The following DSCAM variants were observed in gnomAD, a reference collection of about 807,000 sequenced individuals.
The protein encoded by DSCAM is cell adhesion molecule DSCAM.
DSCAM carries 47 observed loss-of-function variants against 217.7 expected under a neutral mutation model. That is an observed-to-expected ratio of 0.22 (90% CI 0.17 to 0.28). The LOEUF (loss-of-function observed/expected upper bound fraction) is 0.28, where lower values mean the gene tolerates loss of function less well. DSCAM is among the 10% of genes least tolerant of loss of function. The probability of loss-of-function intolerance (pLI) is 1.00; values close to 1 mark genes in which losing one functional copy is unlikely to be tolerated. For missense variants in DSCAM, 2,080 were observed against 2,618.3 expected (o/e 0.79, Z 4.49); for synonymous variants, 1,056 against 1,015.3 (o/e 1.04, Z -0.76).
At chr21:40,014,666 C>T (rs2088126011) in intron 32 of DSCAM, among the ~76,000 whole-genome samples, 1 of 152,200 alleles carries the variant, frequency 6.6e-6, no homozygotes, top group African/African-American at 2.4e-5. Flanking sequence ...CTTCTCCTCT[C>T]ACAGGTGTCG....
At chr21:40,687,300 T>C (rs1003724078) in intron 3 of DSCAM, among the ~76,000 whole-genome samples, 1 of 152,028 alleles carries the variant, frequency 6.6e-6, no homozygotes, top group East Asian at 1.9e-4. Context: ...TGACTCTAGG[T>C]TTTTTTTAAA....
intron 9 of DSCAM, among the ~76,000 whole-genome samples, chr21:40,300,920 T>C (rs1750277177): frequency 6.6e-6 from 1 of 152,238 alleles, no homozygotes; most frequent in African/African-American, 2.4e-5. Context: ...TTCTACGTGA[T>C]TCCTTAGAAG....
intron 3 of DSCAM, among the ~76,000 whole-genome samples, chr21:40,617,224 C>T (rs369861485): frequency 1.2e-3 from 180 of 147,220 alleles, no homozygotes; most frequent in Middle Eastern, 7.6e-3. Context: ...CCCAGGTTCA[C>T]GCCATTCTCC....
At chr21:40,575,916 A>C (rs1333763569) in intron 3 of DSCAM, among the ~76,000 whole-genome samples, 4 of 152,230 alleles carry the variant, frequency 2.6e-5, no homozygotes, top group Non-Finnish European at 5.9e-5. Flanking sequence ...TTAGATAAAG[A>C]CAAATTTAAA....
intron 16 of DSCAM, among the ~76,000 whole-genome samples, chr21:40,146,275 T>G (rs9979203): frequency 0.52 from 68,251 of 130,970 alleles, 18,441 homozygotes; most frequent in South Asian, 0.65. Flanking sequence ...GGGGGGGAGG[T>G]GGCGGGGCAC....
chr21:40,778,323 AAAC>A (rs2123415823), intron 1 of DSCAM, among the ~76,000 whole-genome samples: 1 of 152,188 alleles, frequency 6.6e-6, no homozygotes, highest in African/African-American at 2.4e-5. Context: ...GAAGTAGAGA[AAAC>A]AACAGGAGCA....
intron 11 of DSCAM, among the ~76,000 whole-genome samples, chr21:40,237,794 T>C (rs2146936096): frequency 6.6e-6 from 1 of 152,316 alleles, no homozygotes; most frequent in African/African-American, 2.4e-5. Flanking sequence ...AGCCACACTG[T>C]CTTCCAAGTC....
chr21:40,055,707 G>A lies in DSCAM; in HGVS notation c.5035+18C>T, dbSNP rs765543937. The A allele has an allele frequency of 6.3e-7, 1 of 1,592,154 alleles. No individual in the cohort carries two copies. Among genetic ancestry groups the A allele is most frequent in the Non-Finnish European group, 8.6e-7 (1 of 1,160,966 alleles). On this transcript the variant is annotated intron_variant, in intron 29 of 32. Coordinates refer to ENST00000400454, the MANE Select transcript of DSCAM (RefSeq NM_001389.5). ...TGTGGCAGCCACTTTGTGTAAAGTG[G>A]CAAATAGGGCAGCTTACCAATGGTC...
chr21:40,235,475 A>G (rs978385795), intron 11 of DSCAM, among the ~76,000 whole-genome samples: 2 of 152,196 alleles, frequency 1.3e-5, no homozygotes, highest in Admixed American at 6.5e-5. Flanking sequence ...CGGTCTGTGT[A>G]GGGCTCTTTC....
At chr21:40,619,644 G>A (rs1439206111) in intron 3 of DSCAM, among the ~76,000 whole-genome samples, 1 of 152,108 alleles carries the variant, frequency 6.6e-6, no homozygotes, top group Non-Finnish European at 1.5e-5. Context: ...ATGTATTAAG[G>A]TACTACAAAA....
chr21:40,572,514 CACTT>C (rs1276252601), intron 3 of DSCAM, among the ~76,000 whole-genome samples: 1 of 151,988 alleles, frequency 6.6e-6, no homozygotes, highest in Non-Finnish European at 1.5e-5. Context: ...TTACAAGAAA[CACTT>C]AGAGCATAAA....
chr21:40,767,181 A>AT (rs1419995894), intron 1 of DSCAM, among the ~76,000 whole-genome samples: 2 of 152,146 alleles, frequency 1.3e-5, no homozygotes, highest in African/African-American at 4.8e-5. Flanking sequence ...AAGGGGTAAG[A>AT]TTTTAAATAG....
At chr21:40,145,821 G>A (rs1229814775) in intron 16 of DSCAM, among the ~76,000 whole-genome samples, 1 of 150,924 alleles carries the variant, frequency 6.6e-6, no homozygotes. Context: ...CTCCAGCCTG[G>A]GTGACAGAAC....
chr21:40,820,720 A>T (rs552505053), intron 1 of DSCAM, among the ~76,000 whole-genome samples: 2 of 152,292 alleles, frequency 1.3e-5, no homozygotes, highest in Non-Finnish European at 2.9e-5. Context: ...CAAAGAAAAA[A>T]ACAAAAAATC....
intron 3 of DSCAM, among the ~76,000 whole-genome samples, chr21:40,442,611 C>G (rs1177054997): frequency 1.3e-5 from 2 of 150,020 alleles, no homozygotes; most frequent in Non-Finnish European, 3.0e-5. Context: ...CCTCTGCCTC[C>G]CAGGTTCAAG....
At chr21:40,633,998 G>A (rs913752027) in intron 3 of DSCAM, among the ~76,000 whole-genome samples, 6 of 152,124 alleles carry the variant, frequency 3.9e-5, no homozygotes, top group East Asian at 3.9e-4. Flanking sequence ...TCTTATTCTC[G>A]ACCCAGGAAC....
chr21:40,603,876 T>C (rs999389497), intron 3 of DSCAM, among the ~76,000 whole-genome samples: 4 of 151,752 alleles, frequency 2.6e-5, no homozygotes, highest in Non-Finnish European at 5.9e-5. Flanking sequence ...TTTCTTTAGA[T>C]TTCTGCAGTT....
At chr21:40,109,351 C>A (rs1021400803) in intron 20 of DSCAM, among the ~76,000 whole-genome samples, 1 of 152,186 alleles carries the variant, frequency 6.6e-6, no homozygotes, top group African/African-American at 2.4e-5. Flanking sequence ...TGAATAGACA[C>A]TTTTCAAAAG....
chr21:40,734,311 G>A (rs538531373), intron 1 of DSCAM, among the ~76,000 whole-genome samples: 1 of 152,304 alleles, frequency 6.6e-6, no homozygotes, highest in South Asian at 2.1e-4. Context: ...GATAAGAAAA[G>A]GGGCACGCTG....
Sources: allele counts gnomAD v4.1 joint callset (sites outside exome capture counted in the v4.1 genomes callset), GRCh38; gene constraint gnomAD v4.1.1; transcripts MANE v1.5; gene names NCBI Gene and HGNC (gene_info 2026-07-23, HGNC 2026-07-21).